The following PELI2 variants were observed in gnomAD, a reference collection of about 807,000 sequenced individuals.
PELI2 encodes the protein pellino E3 ubiquitin protein ligase family member 2.
Under a neutral mutation model 42.3 loss-of-function variants are expected in PELI2, and 23 were observed. That is an observed-to-expected ratio of 0.54 (90% CI 0.39 to 0.77). The LOEUF (loss-of-function observed/expected upper bound fraction) is 0.77, where lower values mean the gene tolerates loss of function less well. Ranked by LOEUF, PELI2 falls within the 30% of genes least tolerant of loss-of-function variation. The pLI is 0.00. For synonymous variants in PELI2, 245 were observed against 212.2 expected (o/e 1.15, Z -1.34); for missense variants, 463 against 553.2 (o/e 0.84, Z 1.64).
chr14:56,288,568 G>A lies in PELI2; in HGVS notation c.441G>A (p.Arg147=), dbSNP rs1272724037. 5.0e-6 allele frequency: 8 copies of A among 1,613,932 alleles called. No homozygotes were observed. In the Admixed American group the frequency reaches 1.2e-4, roughly 24 times the overall value. ...SRFACRIVCD[R]NEPYTARIFA... ...TCGCCTGCAGGATCGTGTGCGACAGGAATGAACCTTACACAGCACGGATAT... is the reference window on the plus strand; with the variant it reads ...TCGCCTGCAGGATCGTGTGCGACAGAAATGAACCTTACACAGCACGGATAT... Residue 147 remains arginine, a synonymous_variant, in exon 4 of 6, where the codon AGG becomes AGA. Coordinates refer to ENST00000267460, the MANE Select transcript of PELI2 (RefSeq NM_021255.3). The surrounding 1 kb of genome is among the most constrained non-coding windows in gnomAD (Gnocchi z 4.6).
intron 2 of PELI2, among the ~76,000 whole-genome samples, chr14:56,270,772 T>C (rs949017465): frequency 6.6e-6 from 1 of 152,198 alleles, no homozygotes; most frequent in Non-Finnish European, 1.5e-5. Context: ...TGATGAATTA[T>C]AAAGGTAGTA....
intron 2 of PELI2, among the ~76,000 whole-genome samples, chr14:56,189,918 C>T (rs566914654): frequency 3.9e-5 from 6 of 152,306 alleles, no homozygotes; most frequent in South Asian, 4.1e-4. Context: ...CAGTGCCTTT[C>T]GTCACAGGAG....
chr14:56,205,790 C>T (rs144096326), intron 2 of PELI2, among the ~76,000 whole-genome samples: 79 of 152,196 alleles, frequency 5.2e-4, no homozygotes, highest in African/African-American at 1.8e-3. Flanking sequence ...GGGTTGCCTC[C>T]GTCACACACA....
chr14:56,263,251 G>A (rs117345179), intron 2 of PELI2, among the ~76,000 whole-genome samples: 2,506 of 152,098 alleles, frequency 0.016, 35 homozygotes, highest in Middle Eastern at 0.041. Flanking sequence ...ATGAGCCACC[G>A]CACCCAACCT....
rs145780903 is a variant in PELI2 at position 56,276,493 on chromosome 14, T to G, written c.208-3183T>G. Among the ~76,000 whole-genome samples, 1,018 of 152,196 alleles carry G rather than the reference T, an allele frequency of 6.7e-3. 11 individuals carry two copies. Among genetic ancestry groups the G allele is most frequent in the African/African-American group, 0.022 (932 of 41,512 alleles). On this transcript the variant is annotated intron_variant, in intron 2 of 5. Transcript: ENST00000267460. ...ACCAGTACTCCGGGCCTTTGTAGGG[T>G]CAGGACTCTTCTCCTGGCTTAGCAT... is the stretch of plus-strand genomic sequence containing the variant.
chr14:56,194,105 G>A (rs1488271382), intron 2 of PELI2, among the ~76,000 whole-genome samples: 1 of 152,044 alleles, frequency 6.6e-6, no homozygotes, highest in African/African-American at 2.4e-5. Flanking sequence ...GGACTTGTAC[G>A]TCGTAGGAAG....
chr14:56,138,420 C>T (rs1883764514), intron 1 of PELI2, among the ~76,000 whole-genome samples: 1 of 151,782 alleles, frequency 6.6e-6, no homozygotes, highest in South Asian at 2.1e-4. Flanking sequence ...TCTTAGGTGT[C>T]CCCTGCAACT....
intron 1 of PELI2, among the ~76,000 whole-genome samples, chr14:56,149,797 T>C (rs1333941891): frequency 6.6e-6 from 1 of 152,234 alleles, no homozygotes; most frequent in Non-Finnish European, 1.5e-5. Flanking sequence ...ATCTAAAAGC[T>C]CAAGTATCTT....
rs376497359 is a variant in PELI2 at position 56,264,813 on chromosome 14, A to G, written c.208-14863A>G. ...AAAAATGTTGCAACAAGAGGCTCCT[A>G]GGAACTGAATCCTGTATTTTCCTTA... On this transcript the variant is annotated intron_variant, in intron 2 of 5. Coordinates refer to ENST00000267460, the MANE Select transcript of PELI2 (RefSeq NM_021255.3). 8.1e-4 allele frequency among the ~76,000 whole-genome samples: 124 copies of G among 152,350 alleles called. No individual in the cohort carries two copies. In the South Asian group the frequency reaches 0.013, roughly 16 times the overall value.
chr14:56,236,373 C>G (rs768998120), intron 2 of PELI2, among the ~76,000 whole-genome samples: 9 of 152,168 alleles, frequency 5.9e-5, no homozygotes, highest in Non-Finnish European at 1.3e-4. Flanking sequence ...ACTTTTACAG[C>G]ACCTCTAAAG....
At chr14:56,183,353 A>C (rs1885656511) in intron 2 of PELI2, among the ~76,000 whole-genome samples, 2 of 152,220 alleles carry the variant, frequency 1.3e-5, no homozygotes, top group Admixed American at 6.5e-5. Flanking sequence ...ATTTCAACAA[A>C]AAATAATAAA....
chr14:56,200,890 G>A (rs966632470), intron 2 of PELI2, among the ~76,000 whole-genome samples: 1 of 152,158 alleles, frequency 6.6e-6, no homozygotes. Context: ...ATGGCCATTA[G>A]TGATCATTAT....
chr14:56,186,169 C>T (rs1885762643), intron 2 of PELI2, among the ~76,000 whole-genome samples: 1 of 152,128 alleles, frequency 6.6e-6, no homozygotes, highest in South Asian at 2.1e-4. Flanking sequence ...GGGACTCCAC[C>T]TGCTGCTTCT....
rs376381486 is a variant in PELI2 at position 56,259,101 on chromosome 14, C to T, written c.208-20575C>T. Among the ~76,000 whole-genome samples the T allele has an allele frequency of 4.1e-4, 62 of 152,200 alleles. No homozygotes were observed. The South Asian group carries it at 0.012, about 30-fold the overall frequency. On this transcript the variant is annotated intron_variant, in intron 2 of 5. Transcript: ENST00000267460. ...AGAAGTAGGGAGAAACAAAGGGAGACTATCACCCTAGAATTTAGCATAAAT... is the reference window on the plus strand; with the variant it reads ...AGAAGTAGGGAGAAACAAAGGGAGATTATCACCCTAGAATTTAGCATAAAT...
At chr14:56,251,544 T>C (rs1344660554) in intron 2 of PELI2, among the ~76,000 whole-genome samples, 1 of 152,174 alleles carries the variant, frequency 6.6e-6, no homozygotes, top group Non-Finnish European at 1.5e-5. Context: ...TTGATTGTTG[T>C]GATGCAGGGA....
rs907029931 is a variant in PELI2, at chr14:56,288,985, G to A, written c.507+351G>A. On this transcript the variant is annotated intron_variant, in intron 4 of 5. Transcript: ENST00000267460. The surrounding 1 kb of genome is among the most constrained non-coding windows in gnomAD (Gnocchi z 4.6). ...CATTAGGGCTTAGAGGAAAATGTTAGTGATTCACTCATTCAAAAATGTTTT... is the reference window on the plus strand; with the variant it reads ...CATTAGGGCTTAGAGGAAAATGTTAATGATTCACTCATTCAAAAATGTTTT... 6.6e-6 allele frequency among the ~76,000 whole-genome samples: 1 copy of A among 152,158 alleles called. No individual in the cohort carries two copies. Among genetic ancestry groups the A allele is most frequent in the Non-Finnish European group, 1.5e-5 (1 of 68,034 alleles).
At chr14:56,192,417 C>A (rs1240287049) in intron 2 of PELI2, among the ~76,000 whole-genome samples, 1 of 152,116 alleles carries the variant, frequency 6.6e-6, no homozygotes, top group Non-Finnish European at 1.5e-5. Context: ...GCAGTTTGGG[C>A]CAGATAATCT....
rs534076962 is a variant in PELI2, at chr14:56,217,004, T to C, written c.207+38540T>C. 2.0e-5 allele frequency among the ~76,000 whole-genome samples: 3 copies of C among 151,876 alleles called. 1 individual carries two copies. Among genetic ancestry groups the C allele is most frequent in the African/African-American group, 7.2e-5 (3 of 41,396 alleles). ...CATCTCAATTGAGTTCTAGAAGTTA[T>C]TTTTTTTTAAACATTCACTGTGAGT... On this transcript the variant is annotated intron_variant, in intron 2 of 5. Coordinates refer to ENST00000267460, the MANE Select transcript of PELI2 (RefSeq NM_021255.3).
chr14:56,259,171 C>A (rs374158608), intron 2 of PELI2, among the ~76,000 whole-genome samples: 1 of 151,950 alleles, frequency 6.6e-6, no homozygotes, highest in Admixed American at 6.6e-5. Context: ...TTCAGAAAAA[C>A]AAAAGCTAAA....
Sources: gnomAD v4.1 joint callset for allele counts (sites outside exome capture counted in the v4.1 genomes callset) on GRCh38, gnomAD v4.1.1 for gene constraint, Gnocchi (gnomAD v3.1) non-coding constraint, MANE v1.5 for transcripts, NCBI Gene and HGNC (gene_info 2026-07-23, HGNC 2026-07-21) for gene names.